Variants in PCDHA8 observed in about 807,000 individuals in gnomAD.
The protein encoded by PCDHA8 is protocadherin alpha 8.
A neutral mutation model predicts 61.8 loss-of-function variants in PCDHA8; 53 were observed. That is an observed-to-expected ratio of 0.86 (90% CI 0.69 to 1.08). PCDHA8 has a LOEUF of 1.08. Ranked by LOEUF, PCDHA8 falls within the 50% of genes least tolerant of loss-of-function variation. The probability of loss-of-function intolerance (pLI) is 0.00; values close to 1 mark genes in which losing one functional copy is unlikely to be tolerated. For synonymous variants in PCDHA8, 618 were observed against 556.6 expected (o/e 1.11, Z -1.55); for missense variants, 1,293 against 1,245.0 (o/e 1.04, Z -0.58).
At chr5:140,895,143 A>T (rs115893558) in intron 1 of PCDHA8, among the ~76,000 whole-genome samples, 1 of 152,158 alleles carries the variant, frequency 6.6e-6, no homozygotes, top group African/African-American at 2.4e-5. Flanking sequence ...CATAGGGCTA[A>T]GACAGGTTTA....
intron 1 of PCDHA8, chr5:140,967,116 G>A: frequency 1.2e-6 from 2 of 1,612,922 alleles, no homozygotes; most frequent in Non-Finnish European, 1.7e-6. Context: ...CGGCCTCGCT[G>A]CCTGCTCAGC....
intron 1 of PCDHA8, among the ~76,000 whole-genome samples, chr5:140,921,561 T>C (rs373696344): frequency 6.6e-6 from 1 of 152,194 alleles, no homozygotes; most frequent in South Asian, 2.1e-4. Context: ...AGCTCTATTA[T>C]GTTATAGTAG....
chr5:140,856,271 G>T lies in PCDHA8; in HGVS notation c.2394+12556G>T, dbSNP rs782472888. On this transcript the variant is annotated intron_variant, in intron 1 of 3. Coordinates refer to ENST00000531613, the MANE Select transcript of PCDHA8 (RefSeq NM_018911.3). ...GTCCAAAAGACACGGGGACCTTCTG[G>T]AGGTAAATCTGCAGAATGGCATTTT... 7 of 1,598,148 alleles carry T rather than the reference G, an allele frequency of 4.4e-6. 1 individual carries two copies. The highest frequency in any genetic ancestry group is 6.0e-6 in the Non-Finnish European group (7 of 1,167,948).
intron 1 of PCDHA8, among the ~76,000 whole-genome samples, chr5:140,949,318 T>C (rs1554218908): frequency 6.6e-6 from 1 of 151,876 alleles, no homozygotes; most frequent in African/African-American, 2.4e-5. Flanking sequence ...GATTTATAAA[T>C]ATAAATTATT....
intron 1 of PCDHA8, chr5:140,883,380 T>C (rs1554177974): frequency 1.2e-6 from 2 of 1,614,176 alleles, no homozygotes; most frequent in Admixed American, 3.3e-5. Context: ...ATTATTGCCC[T>C]AATCAGTGTG....
At chr5:140,965,851 A>C (rs1257954575) in intron 1 of PCDHA8, among the ~76,000 whole-genome samples, 1 of 152,252 alleles carries the variant, frequency 6.6e-6, no homozygotes, top group Non-Finnish European at 1.5e-5. Flanking sequence ...GCCAAGGCAC[A>C]CACTGAAAAT....
chr5:140,915,630 C>G (rs2077218866), intron 1 of PCDHA8, among the ~76,000 whole-genome samples: 1 of 142,802 alleles, frequency 7.0e-6, no homozygotes, highest in South Asian at 2.1e-4. Flanking sequence ...CTTTCTGTCT[C>G]TCTCTCTCTC....
At chr5:140,929,319 T>C in intron 1 of PCDHA8, 1 of 1,545,486 alleles carries the variant, frequency 6.5e-7, no homozygotes, top group Non-Finnish European at 8.7e-7. Flanking sequence ...CTAATGTCAA[T>C]GCCATGGTAA....
At chr5:140,870,371 T>C (rs1419353241) in intron 1 of PCDHA8, 52 of 1,613,894 alleles carry the variant, frequency 3.2e-5, no homozygotes, top group Non-Finnish European at 4.2e-5. Flanking sequence ...TATGAACTGG[T>C]GGTGACTGCG....
intron 1 of PCDHA8, chr5:140,868,045 A>G (rs1452350688): frequency 3.3e-5 from 5 of 152,130 alleles, no homozygotes; most frequent in African/African-American, 1.2e-4. Flanking sequence ...GGAAATACCA[A>G]TATGGCACAA....
intron 1 of PCDHA8, chr5:140,863,034 A>T (rs782534693): frequency 1.8e-6 from 1 of 557,814 alleles, no homozygotes; most frequent in Non-Finnish European, 3.5e-6. Flanking sequence ...CAACAGCTGC[A>T]TCTGTCAGCT....
chr5:140,898,245 T>G (rs1583300763), intron 1 of PCDHA8, among the ~76,000 whole-genome samples: 1 of 152,246 alleles, frequency 6.6e-6, no homozygotes, highest in East Asian at 1.9e-4. Flanking sequence ...TTTGGTGTTT[T>G]AGACATGAAG....
chr5:140,869,307 C>G, intron 1 of PCDHA8: 2 of 1,613,664 alleles, frequency 1.2e-6, no homozygotes, highest in Non-Finnish European at 1.7e-6. Flanking sequence ...GGGTGGCGTC[C>G]AAAACACATG....
chr5:140,871,522 A>G (rs1554165699), intron 1 of PCDHA8: 1 of 1,549,186 alleles, frequency 6.5e-7, no homozygotes, highest in Non-Finnish European at 8.7e-7. Context: ...TCCACCTATC[A>G]GGAAGTGTAT....
At chr5:140,917,318 A>G (rs961734758) in intron 1 of PCDHA8, among the ~76,000 whole-genome samples, 1 of 99,850 alleles carries the variant, frequency 1.0e-5, no homozygotes, top group South Asian at 3.3e-4. Context: ...TTTGGTGTTC[A>G]TGTGGCGGGG....
intron 1 of PCDHA8, among the ~76,000 whole-genome samples, chr5:140,900,263 G>A (rs909474202): frequency 2.0e-5 from 3 of 151,830 alleles, no homozygotes; most frequent in African/African-American, 7.3e-5. Flanking sequence ...GTACTCCATT[G>A]TGTATATGTA....
At chr5:140,850,301 C>G in intron 1 of PCDHA8, 3 of 1,596,740 alleles carry the variant, frequency 1.9e-6, no homozygotes, top group Non-Finnish European at 2.6e-6. Context: ...CCGACTCGGG[C>G]TACAACGCGT....
At chr5:140,989,619 TC>T (rs2097351060) in intron 3 of PCDHA8, among the ~76,000 whole-genome samples, 1 of 152,196 alleles carries the variant, frequency 6.6e-6, no homozygotes. Flanking sequence ...TGAAAGTCTG[TC>T]CTAGTGACAG....
intron 3 of PCDHA8, among the ~76,000 whole-genome samples, chr5:141,006,067 A>T (rs1202024176): frequency 3.3e-5 from 5 of 151,950 alleles, no homozygotes; most frequent in African/African-American, 1.2e-4. Context: ...AGAAATAAAA[A>T]TCAGATTATT....
Sources: gnomAD v4.1 joint callset for allele counts (sites outside exome capture counted in the v4.1 genomes callset) on GRCh38, gnomAD v4.1.1 for gene constraint, MANE v1.5 for transcripts, NCBI Gene and HGNC (gene_info 2026-07-23, HGNC 2026-07-21) for gene names.